The following CHST11 variants were observed in gnomAD, a reference collection of about 807,000 sequenced individuals.
CHST11 encodes C4S-1.
CHST11 carries 9 observed loss-of-function variants against 30.4 expected under a neutral mutation model. That is an observed-to-expected ratio of 0.30 (90% CI 0.18 to 0.52). The LOEUF is 0.52. Among genes scored for constraint, CHST11 ranks in the 20% least tolerant of loss-of-function variants. The probability of loss-of-function intolerance (pLI) is 0.97; values close to 1 mark genes in which losing one functional copy is unlikely to be tolerated. For synonymous variants in CHST11, 152 were observed against 187.8 expected, an observed-to-expected ratio of 0.81 and a Z score of 1.56; for missense variants, 348 against 460.6, an observed-to-expected ratio of 0.76 and a Z score of 2.24.
rs143726913 is a variant in CHST11 at position 104,675,215 on chromosome 12, A to G, written c.204+73224A>G. On this transcript the variant is annotated intron_variant, in intron 2 of 2. Transcript: ENST00000303694. ...AATTGAACCAGAAGTAGATGACGAT[A>G]GTCGTCATTATTTTAAAAAGAGAGG... Among the ~76,000 whole-genome samples, 810 of 152,364 alleles carry G rather than the reference A, an allele frequency of 5.3e-3. 5 individuals carry two copies. Among genetic ancestry groups the G allele is most frequent in the African/African-American group, 0.018 (749 of 41,576 alleles).
rs2040240269 is a variant in CHST11 at position 104,729,575 on chromosome 12, G to A, written c.205-27374G>A. On this transcript the variant is annotated intron_variant, in intron 2 of 2. Transcript: ENST00000303694. The surrounding 1 kb of genome is among the most constrained non-coding windows in gnomAD (Gnocchi z 4.0). ...GGCATTTCAGACAGACAGTATCAGG[G>A]CAGGAACATGGAAGGATGGCTGTCA... Among the ~76,000 whole-genome samples, 1 of 152,118 alleles carries A rather than the reference G, an allele frequency of 6.6e-6. No homozygotes were observed. Among genetic ancestry groups the A allele is most frequent in the Non-Finnish European group, 1.5e-5 (1 of 68,026 alleles).
intron 1 of CHST11, among the ~76,000 whole-genome samples, chr12:104,536,454 G>A (rs891515898): frequency 6.6e-6 from 1 of 152,188 alleles, no homozygotes. Context: ...CAGAATCTCA[G>A]GCCTCACTTG....
intron 2 of CHST11, among the ~76,000 whole-genome samples, chr12:104,658,795 A>G (rs1000085212): frequency 6.6e-6 from 1 of 152,182 alleles, no homozygotes; most frequent in African/African-American, 2.4e-5. Flanking sequence ...AGTGCTAGGC[A>G]TTTTATTTTT....
At chr12:104,531,768 C>T (rs913981613) in intron 1 of CHST11, among the ~76,000 whole-genome samples, 1 of 152,142 alleles carries the variant, frequency 6.6e-6, no homozygotes. Flanking sequence ...GTTCTCCCAG[C>T]ACTGATCTGG....
chr12:104,606,175 C>CGGGGGGCG (rs1566005064), intron 2 of CHST11, among the ~76,000 whole-genome samples: 3 of 106,980 alleles, frequency 2.8e-5, no homozygotes, highest in Non-Finnish European at 5.5e-5. Flanking sequence ...GGGCGGGGGG[C>CGGGGGGCG]GGGGGGGGGA....
Position 104,696,494 on chromosome 12 carries a change from A to C in CHST11, c.205-60455A>C, listed in dbSNP as rs1286864332. On this transcript the variant is annotated intron_variant, in intron 2 of 2. Coordinates refer to ENST00000303694, the MANE Select transcript of CHST11 (RefSeq NM_018413.6). ...TCTGCTAAAAATACAAAAAAAAAAA[A>C]AAAAAAAAAAAAACATAGCTGGGCG... Among the ~76,000 whole-genome samples the C allele has an allele frequency of 3.3e-5, 5 of 149,682 alleles. No individual in the cohort carries two copies. The South Asian group carries it at 6.4e-4, about 19-fold the overall frequency.
chr12:104,607,344 A>G (rs769060819), intron 2 of CHST11, among the ~76,000 whole-genome samples: 3 of 152,088 alleles, frequency 2.0e-5, no homozygotes, highest in Non-Finnish European at 4.4e-5. Flanking sequence ...CTTAGCCCCA[A>G]CCTAAATAGC....
chr12:104,608,499 G>C (rs1196760471), intron 2 of CHST11, among the ~76,000 whole-genome samples: 1 of 152,044 alleles, frequency 6.6e-6, no homozygotes, highest in Admixed American at 6.6e-5. Flanking sequence ...AAAATCCCCA[G>C]CAAGCCTTTG....
chr12:104,487,500 G>A (rs146204406), intron 1 of CHST11, among the ~76,000 whole-genome samples: 87 of 152,344 alleles, frequency 5.7e-4, no homozygotes, highest in African/African-American at 2.1e-3. Flanking sequence ...GAGCTCAAGC[G>A]ATGCTCCCGC....
chr12:104,682,939 T>C (rs1398658480), intron 2 of CHST11, among the ~76,000 whole-genome samples: 1 of 152,240 alleles, frequency 6.6e-6, no homozygotes, highest in Non-Finnish European at 1.5e-5. Context: ...TGACTCTCTG[T>C]CCTTCTTCTC....
At chr12:104,743,854 T>C (rs1356806726) in intron 2 of CHST11, among the ~76,000 whole-genome samples, 1 of 152,214 alleles carries the variant, frequency 6.6e-6, no homozygotes. Context: ...AGTGAGAACA[T>C]GTGGCATTTG....
At chr12:104,629,931 G>T (rs946619366) in intron 2 of CHST11, among the ~76,000 whole-genome samples, 3 of 152,130 alleles carry the variant, frequency 2.0e-5, no homozygotes, top group African/African-American at 7.2e-5. Context: ...CTACAGTTGG[G>T]CAACATTATC....
intron 1 of CHST11, among the ~76,000 whole-genome samples, chr12:104,571,768 C>G (rs929852778): frequency 6.6e-6 from 1 of 152,206 alleles, no homozygotes; most frequent in Non-Finnish European, 1.5e-5. Flanking sequence ...GGAGTGGTGA[C>G]AGAGGGCATC....
At chr12:104,722,029 C>A (rs1351890071) in intron 2 of CHST11, among the ~76,000 whole-genome samples, 2 of 152,088 alleles carry the variant, frequency 1.3e-5, no homozygotes, top group African/African-American at 4.8e-5. Flanking sequence ...TGCTCTGTCA[C>A]CCAAGCTGGC....
chr12:104,578,178 G>T (rs763396492), intron 1 of CHST11, among the ~76,000 whole-genome samples: 2 of 152,118 alleles, frequency 1.3e-5, no homozygotes. Context: ...CCAGCAACAG[G>T]GGGTGGTTCT....
intron 2 of CHST11, among the ~76,000 whole-genome samples, chr12:104,736,032 G>C (rs925273535): frequency 1.3e-4 from 20 of 152,134 alleles, no homozygotes; most frequent in African/African-American, 4.8e-4. Context: ...CAGGGAACCT[G>C]GGCAGACAGC....
At chr12:104,725,218 C>T (rs1363211517) in intron 2 of CHST11, among the ~76,000 whole-genome samples, 4 of 152,200 alleles carry the variant, frequency 2.6e-5, no homozygotes, top group Admixed American at 2.0e-4. Flanking sequence ...GCTGTGCTGT[C>T]GTTAGCATAG....
intron 2 of CHST11, among the ~76,000 whole-genome samples, chr12:104,637,545 G>C (rs1315130850): frequency 6.6e-6 from 1 of 152,084 alleles, no homozygotes; most frequent in South Asian, 2.1e-4. Context: ...CCTGTATCCA[G>C]ATTAAAATCT....
At chr12:104,699,563 A>G (rs2039975239) in intron 2 of CHST11, among the ~76,000 whole-genome samples, 1 of 152,202 alleles carries the variant, frequency 6.6e-6, no homozygotes, top group Non-Finnish European at 1.5e-5. Flanking sequence ...CACTGAGGAC[A>G]TGGTGCTTCC....
Sources: gnomAD v4.1 joint callset for allele counts (sites outside exome capture counted in the v4.1 genomes callset) on GRCh38, gnomAD v4.1.1 for gene constraint, Gnocchi (gnomAD v3.1) non-coding constraint, MANE v1.5 for transcripts, NCBI Gene and HGNC (gene_info 2026-07-23, HGNC 2026-07-21) for gene names.